PCCB: variants seen among roughly 807,000 people sequenced by gnomAD.
PCCB encodes the protein propionyl-CoA carboxylase subunit beta.
Under a neutral mutation model 60.7 loss-of-function variants are expected in PCCB, and 43 were observed. The observed-to-expected ratio is 0.71, with a 90% confidence interval of 0.55 to 0.91. PCCB has a LOEUF of 0.91. PCCB is among the 40% of genes least tolerant of loss of function. The pLI is 0.00. For missense variants in PCCB, 766 were observed against 702.8 expected, an observed-to-expected ratio of 1.09 and a Z score of -1.02; for synonymous variants, 276 against 255.9, an observed-to-expected ratio of 1.08 and a Z score of -0.75.
chr3:136,321,356 C>T (rs1935102097), intron 10 of PCCB, among the ~76,000 whole-genome samples: 1 of 152,178 alleles, frequency 6.6e-6, no homozygotes, highest in Admixed American at 6.5e-5. Context: ...TTGTATTAAT[C>T]TGTTTTCACA....
At chr3:136,271,489 C>A (rs1177990479) in intron 5 of PCCB, among the ~76,000 whole-genome samples, 2 of 152,154 alleles carry the variant, frequency 1.3e-5, no homozygotes, top group Admixed American at 1.3e-4. Flanking sequence ...CCTCCATGAG[C>A]ATGAGATGTG....
At chr3:136,298,345 ACT>A (rs1377489529) in intron 8 of PCCB, among the ~76,000 whole-genome samples, 1 of 151,448 alleles carries the variant, frequency 6.6e-6, no homozygotes, top group African/African-American at 2.4e-5. Flanking sequence ...TTTCTAAGAA[ACT>A]CTCAAGTTAT....
intron 10 of PCCB, among the ~76,000 whole-genome samples, chr3:136,326,048 G>A (rs1233245955): frequency 4.6e-5 from 7 of 151,766 alleles, no homozygotes; most frequent in East Asian, 2.0e-4. Context: ...TCTTGACCTC[G>A]TGATCTGCCC....
chr3:136,266,812 A>G (rs771207958), intron 5 of PCCB, among the ~76,000 whole-genome samples: 9 of 152,102 alleles, frequency 5.9e-5, no homozygotes, highest in Non-Finnish European at 1.3e-4. Flanking sequence ...CCTTTATCAT[A>G]TATATGATTT....
rs1942193230 is a variant in PCCB, at chr3:136,271,309, T to G, written c.543+9244T>G. On this transcript the variant is annotated intron_variant, in intron 5 of 14. Coordinates refer to ENST00000251654, the MANE Select transcript of PCCB (RefSeq NM_000532.5). ...TGCCTTCAGATTTGTTCTTTTTGCT[T>G]AGTATTGCTTTGGCTATCTGGACTC... 2.6e-5 allele frequency among the ~76,000 whole-genome samples: 4 copies of G among 152,272 alleles called. No homozygotes were observed. In the South Asian group the frequency reaches 8.3e-4, roughly 32 times the overall value.
At chr3:136,312,502 A>C (rs1934708234) in intron 9 of PCCB, among the ~76,000 whole-genome samples, 1 of 152,210 alleles carries the variant, frequency 6.6e-6, no homozygotes, top group South Asian at 2.1e-4. Flanking sequence ...ATCAAATCTC[A>C]GGGGCAAAAA....
intron 5 of PCCB, among the ~76,000 whole-genome samples, chr3:136,271,763 G>C (rs980644248): frequency 6.6e-6 from 1 of 152,122 alleles, no homozygotes; most frequent in Non-Finnish European, 1.5e-5. Flanking sequence ...TTTTGGATGA[G>C]TCGCTAGAGT....
chr3:136,270,051 A>G (rs1197067346), intron 5 of PCCB, among the ~76,000 whole-genome samples: 3 of 125,348 alleles, frequency 2.4e-5, no homozygotes, highest in East Asian at 2.3e-4. Flanking sequence ...TTCTACTTCT[A>G]ATTTTTTGAG....
At chr3:136,266,507 G>A in intron 5 of PCCB, among the ~76,000 whole-genome samples, 1 of 151,886 alleles carries the variant, frequency 6.6e-6, no homozygotes, top group East Asian at 1.9e-4. Context: ...CTGCAGCCTC[G>A]ACCTCCTGGG....
intron 6 of PCCB, among the ~76,000 whole-genome samples, chr3:136,285,552 G>GT (rs11421458): frequency 0.047 from 6,708 of 144,094 alleles, 163 homozygotes; most frequent in Middle Eastern, 0.091. Flanking sequence ...CCACTAAATC[G>GT]TTTTTTTTTT....
At chr3:136,298,144 C>G (rs537321262) in intron 8 of PCCB, 72 bp downstream of exon 8, 1 of 1,596,034 alleles carries the variant, frequency 6.3e-7, no homozygotes, top group African/African-American at 1.3e-5. Flanking sequence ...GACAGGACCC[C>G]CAGGGTCTGC....
At chr3:136,317,987 C>G (rs568256421) in intron 10 of PCCB, among the ~76,000 whole-genome samples, 1 of 152,334 alleles carries the variant, frequency 6.6e-6, no homozygotes, top group South Asian at 2.1e-4. Flanking sequence ...AAGAATCTGT[C>G]TTTCTTCATG....
chr3:136,315,457 G>A (rs1014355891), intron 9 of PCCB, among the ~76,000 whole-genome samples: 2 of 152,182 alleles, frequency 1.3e-5, no homozygotes, highest in Non-Finnish European at 2.9e-5. Context: ...AACCCAGGGG[G>A]CGGAGATTGC....
At chr3:136,283,788 G>T (rs774669215) in intron 5 of PCCB, 49 bp from the exon 6 acceptor site, 8 of 1,237,104 alleles carry the variant, frequency 6.5e-6, no homozygotes, top group Non-Finnish European at 8.4e-6. Flanking sequence ...CACAGATAAT[G>T]CCTCAAACAT....
chr3:136,254,309 C>T (rs188626741), intron 1 of PCCB, among the ~76,000 whole-genome samples: 96 of 151,898 alleles, frequency 6.3e-4, no homozygotes, highest in African/African-American at 2.3e-3. Flanking sequence ...ACCCCTGCCC[C>T]CTGGGTTCAA....
chr3:136,324,734 G>A (rs1935240081), intron 10 of PCCB, among the ~76,000 whole-genome samples: 1 of 152,158 alleles, frequency 6.6e-6, no homozygotes. Flanking sequence ...TGAGTTAGGT[G>A]AAACAGAGAT....
chr3:136,271,220 C>G (rs1274513904), intron 5 of PCCB, among the ~76,000 whole-genome samples: 1 of 152,028 alleles, frequency 6.6e-6, no homozygotes, highest in East Asian at 1.9e-4. Context: ...AGAGTTTTTC[C>G]AATGTTGCAG....
rs182676752 is a variant in PCCB, at chr3:136,271,587, A to G, written c.543+9522A>G. Among the ~76,000 whole-genome samples, 5 of 152,258 alleles carry G rather than the reference A, an allele frequency of 3.3e-5. No homozygotes were observed. The East Asian group carries it at 7.7e-4, about 23-fold the overall frequency. On this transcript the variant is annotated intron_variant, in intron 5 of 14. Transcript: ENST00000251654. ...GATCTTCACCTCCTTGGTTAGGTAT[A>G]TTCCTAGGTATTTTATTTTATTTTT...
chr3:136,321,595 G>A (rs997177040), intron 10 of PCCB, among the ~76,000 whole-genome samples: 7 of 152,138 alleles, frequency 4.6e-5, no homozygotes, highest in Admixed American at 1.3e-4. Flanking sequence ...ACTATCACGA[G>A]AACAGCGTGA....
Sources: gnomAD v4.1 joint callset for allele counts (sites outside exome capture counted in the v4.1 genomes callset) on GRCh38, gnomAD v4.1.1 for gene constraint, MANE v1.5 for transcripts, NCBI Gene and HGNC (gene_info 2026-07-23, HGNC 2026-07-21) for gene names.